PTPRC: variants seen among roughly 807,000 people sequenced by gnomAD.
PTPRC encodes protein tyrosine phosphatase receptor type C.
A neutral mutation model predicts 155.9 loss-of-function variants in PTPRC; 44 were observed. The observed-to-expected ratio is 0.28, with a 90% confidence interval of 0.22 to 0.36. PTPRC has a LOEUF of 0.36. Ranked by LOEUF, PTPRC falls within the 10% of genes least tolerant of loss-of-function variation. PTPRC has a pLI of 1.00. For missense variants in PTPRC, 1,401 were observed against 1,564.6 expected (o/e 0.90, Z 1.76); for synonymous variants, 525 against 533.1 (o/e 0.98, Z 0.21).
intron 2 of PTPRC, among the ~76,000 whole-genome samples, chr1:198,677,773 T>C (rs1665043765): frequency 6.6e-6 from 1 of 152,196 alleles, no homozygotes; most frequent in African/African-American, 2.4e-5. Context: ...CTAATCCTCA[T>C]ATCAACTCAT....
chr1:198,695,354 TCA>T (rs1296633255), intron 3 of PTPRC, among the ~76,000 whole-genome samples: 2 of 151,296 alleles, frequency 1.3e-5, no homozygotes, highest in African/African-American at 4.8e-5. Context: ...GTGATATAGT[TCA>T]GTTTTTACCT....
intron 2 of PTPRC, among the ~76,000 whole-genome samples, chr1:198,674,300 A>G (rs1664815597): frequency 6.6e-6 from 1 of 152,198 alleles, no homozygotes; most frequent in Admixed American, 6.5e-5. Flanking sequence ...CAATAAATTC[A>G]CAACTAGTGA....
intron 27 of PTPRC, 75 bp from the exon 28 acceptor site, chr1:198,749,341 T>C: frequency 6.9e-7 from 1 of 1,442,006 alleles, no homozygotes; most frequent in Non-Finnish European, 9.7e-7. Context: ...TTAAATACTT[T>C]CAAATTTCCA....
At chr1:198,649,050 A>G (rs1390757508) in intron 2 of PTPRC, among the ~76,000 whole-genome samples, 2 of 151,826 alleles carry the variant, frequency 1.3e-5, no homozygotes, top group Admixed American at 6.6e-5. Context: ...GTCATCCAAA[A>G]AGCATATTAA....
chr1:198,714,030 A>G (rs920073763), intron 12 of PTPRC, among the ~76,000 whole-genome samples: 1 of 152,238 alleles, frequency 6.6e-6, no homozygotes, highest in African/African-American at 2.4e-5. Context: ...AAGGAAAATA[A>G]ATATATACTA....
chr1:198,655,258 G>T (rs1292273949), intron 2 of PTPRC, among the ~76,000 whole-genome samples: 1 of 151,514 alleles, frequency 6.6e-6, no homozygotes, highest in Admixed American at 6.6e-5. Flanking sequence ...AAAAATTAAA[G>T]AAAGAGAAAA....
chr1:198,741,758 T>C (rs1654909160), intron 23 of PTPRC, 111 bp from the exon 24 acceptor site: 7 of 1,052,582 alleles, frequency 6.7e-6, no homozygotes, highest in Admixed American at 2.4e-5. Context: ...CTCTTTTGAG[T>C]AGTTTATGTT....
chr1:198,670,173 C>G (rs1362490095), intron 2 of PTPRC, among the ~76,000 whole-genome samples: 1 of 151,916 alleles, frequency 6.6e-6, no homozygotes, highest in Non-Finnish European at 1.5e-5. Flanking sequence ...TTGACTGGGG[C>G]CTACTTTACA....
chr1:198,732,424 T>C, intron 19 of PTPRC, 34 bp downstream of exon 19: 1 of 1,597,862 alleles, frequency 6.3e-7, no homozygotes, highest in East Asian at 2.2e-5. Flanking sequence ...TTCCCATATA[T>C]TAGGCTACTT....
chr1:198,754,349 T>A lies in PTPRC; in HGVS notation c.3590T>A (p.Ile1197Asn). ...ESAETEEVVD[I>N]FQVVKALRKA... ...GCGGAAACAGAAGAGGTAGTGGATA[T>A]TTTTCAAGTGGTAAAAGCTCTACGC... is the stretch of plus-strand genomic sequence containing the variant. Residue 1197 changes from isoleucine to asparagine, a missense_variant, in exon 32 of 33, where the codon ATT becomes AAT. Ile to Asn is a moderately radical substitution (Grantham distance 149, BLOSUM62 -3). Around this residue, in one of 3 missense-constraint regions of PTPRC, gnomAD observed 400 missense variants for 389.5 expected, o/e 1.03. Coordinates refer to ENST00000442510, the MANE Select transcript of PTPRC (RefSeq NM_002838.5). 6.2e-7 allele frequency: 1 copy of A among 1,613,410 alleles called. No individual in the cohort carries two copies. The highest frequency in any genetic ancestry group is 8.5e-7 in the Non-Finnish European group (1 of 1,179,570).
Position 198,749,661 on chromosome 1 carries a change from C to G in PTPRC, c.3072+112C>G, listed in dbSNP as rs1655293221. 4.9e-6 allele frequency: 5 copies of G among 1,013,244 alleles called. No homozygotes were observed. The East Asian group carries it at 1.3e-4, about 26-fold the overall frequency. 62.8% of individuals were successfully genotyped at this position (1,013,244 alleles called of 1,614,324 possible). A position where few individuals can be genotyped will look rare whatever the true frequency, so the allele number is the denominator to read the frequency against. On this transcript the variant is annotated intron_variant, in intron 28 of 32. Coordinates refer to ENST00000442510, the MANE Select transcript of PTPRC (RefSeq NM_002838.5). Reference sequence around the variant, plus strand: ...AAAAGAATAATGAGCTTGGTCATAACTACATATAGATTGACATGAGAGTTT... The same window carrying G: ...AAAAGAATAATGAGCTTGGTCATAAGTACATATAGATTGACATGAGAGTTT...
At chr1:198,715,898 G>C (rs1571864239) in intron 12 of PTPRC, among the ~76,000 whole-genome samples, 1 of 151,988 alleles carries the variant, frequency 6.6e-6, no homozygotes, top group African/African-American at 2.4e-5. Flanking sequence ...GATGTCACTT[G>C]GCTACTCAAA....
At chr1:198,691,842 T>G (rs528634679) in intron 2 of PTPRC, among the ~76,000 whole-genome samples, 3 of 152,238 alleles carry the variant, frequency 2.0e-5, no homozygotes, top group African/African-American at 7.2e-5. Context: ...TTTAGCACAT[T>G]CTGTATCACC....
At chr1:198,676,078 A>T (rs1664934542) in intron 2 of PTPRC, among the ~76,000 whole-genome samples, 1 of 152,220 alleles carries the variant, frequency 6.6e-6, no homozygotes, top group African/African-American at 2.4e-5. Flanking sequence ...CTACTCTCCA[A>T]ATGTGCTAAA....
intron 18 of PTPRC, 116 bp from the exon 19 acceptor site, chr1:198,732,184 A>C (rs1654421336): frequency 1.2e-6 from 1 of 846,490 alleles, no homozygotes; most frequent in South Asian, 1.5e-5. Context: ...AAATTTTTTT[A>C]TCAATATGAA....
At chr1:198,731,989 T>C (rs975331284) in intron 18 of PTPRC, among the ~76,000 whole-genome samples, 3 of 151,992 alleles carry the variant, frequency 2.0e-5, no homozygotes, top group African/African-American at 4.8e-5. Flanking sequence ...TGGCTGATTT[T>C]GTAGTTGTAC....
chr1:198,726,857 T>C (rs1209118354), intron 15 of PTPRC, among the ~76,000 whole-genome samples: 1 of 150,750 alleles, frequency 6.6e-6, no homozygotes, highest in East Asian at 1.9e-4. Context: ...TTTTCTTTTC[T>C]TTTCTTTCCT....
intron 23 of PTPRC, among the ~76,000 whole-genome samples, chr1:198,741,131 A>G (rs1654880805): frequency 6.6e-6 from 1 of 151,894 alleles, no homozygotes; most frequent in South Asian, 2.1e-4. Flanking sequence ...CTATCTGGCT[A>G]CATTCTGTAG....
chr1:198,698,450 A>T (rs1042684867), intron 4 of PTPRC, among the ~76,000 whole-genome samples: 36 of 152,102 alleles, frequency 2.4e-4, no homozygotes, highest in Admixed American at 2.4e-3. Context: ...TTAATTTATG[A>T]TTATGATTGA....
Sources: allele counts gnomAD v4.1 joint callset (sites outside exome capture counted in the v4.1 genomes callset), GRCh38; gene constraint gnomAD v4.1.1; regional missense constraint gnomAD v4.1.1; transcripts MANE v1.5; gene names NCBI Gene and HGNC (gene_info 2026-07-23, HGNC 2026-07-21).